The following PRKN variants were observed in gnomAD, a reference collection of about 807,000 sequenced individuals.
PRKN encodes parkin RBR E3 ubiquitin protein ligase, also known as E3 ubiquitin-protein ligase parkin.
PRKN carries 56 observed loss-of-function variants against 59.5 expected under a neutral mutation model. The ratio of observed to expected loss-of-function variants is 0.94; its 90% CI spans 0.76 to 1.18. The LOEUF is 1.18. Among genes scored for constraint, PRKN ranks in the 50% most tolerant of loss-of-function variants. The probability of loss-of-function intolerance (pLI) is 0.00; values close to 1 mark genes in which losing one functional copy is unlikely to be tolerated. For synonymous variants in PRKN, 250 were observed against 222.1 expected, an observed-to-expected ratio of 1.13 and a Z score of -1.12; for missense variants, 657 against 596.4, an observed-to-expected ratio of 1.10 and a Z score of -1.06.
intron 7 of PRKN, among the ~76,000 whole-genome samples, chr6:161,771,221 T>C (rs1367667897): frequency 6.6e-6 from 1 of 151,846 alleles, no homozygotes; most frequent in Non-Finnish European, 1.5e-5. Flanking sequence ...CCTGGCATCA[T>C]GGCGGGCACC....
At chr6:162,291,521 C>A (rs1333368243) in intron 2 of PRKN, among the ~76,000 whole-genome samples, 1 of 152,088 alleles carries the variant, frequency 6.6e-6, no homozygotes, top group Non-Finnish European at 1.5e-5. Context: ...CAGCACTTCA[C>A]GGGAGGGTGT....
chr6:161,570,384 G>A (rs1780843489), intron 7 of PRKN, among the ~76,000 whole-genome samples: 1 of 147,344 alleles, frequency 6.8e-6, no homozygotes, highest in Non-Finnish European at 1.5e-5. Context: ...AATATTCTAT[G>A]TAAAATAAAA....
At chr6:162,154,524 G>A (rs1203952876) in intron 4 of PRKN, among the ~76,000 whole-genome samples, 3 of 143,170 alleles carry the variant, frequency 2.1e-5, no homozygotes, top group Admixed American at 7.0e-5. Context: ...TACAAAAGGA[G>A]AAAAAAAAAA....
intron 1 of PRKN, among the ~76,000 whole-genome samples, chr6:162,508,927 G>A (rs1211015542): frequency 6.6e-6 from 1 of 152,134 alleles, no homozygotes; most frequent in Non-Finnish European, 1.5e-5. Flanking sequence ...AAAAGAGGCA[G>A]AGAAGACTTC....
At chr6:162,590,773 A>G (rs1194309667) in intron 1 of PRKN, among the ~76,000 whole-genome samples, 2 of 152,090 alleles carry the variant, frequency 1.3e-5, no homozygotes, top group Non-Finnish European at 2.9e-5. Context: ...ATTGGTGAAA[A>G]AACAAAACAA....
At chr6:162,112,947 G>A (rs577685334) in intron 4 of PRKN, among the ~76,000 whole-genome samples, 2 of 151,958 alleles carry the variant, frequency 1.3e-5, no homozygotes, top group Non-Finnish European at 2.9e-5. Flanking sequence ...ACACCATGAC[G>A]TCCTGCATAT....
chr6:161,633,201 C>T (rs1783381905), intron 7 of PRKN, among the ~76,000 whole-genome samples: 1 of 152,186 alleles, frequency 6.6e-6, no homozygotes. Flanking sequence ...TACACATACA[C>T]TCCCAAAGGA....
rs1409732949 is a variant in PRKN at position 161,552,928 on chromosome 6, C to G, written c.934-3925G>C. 7.2e-5 allele frequency among the ~76,000 whole-genome samples: 11 copies of G among 151,846 alleles called. No individual in the cohort carries two copies. The highest frequency in any genetic ancestry group is 1.2e-4 in the Non-Finnish European group (8 of 67,968). ...GCCTCAGCCTCCCGAGTAGCTGGGA[C>G]TACAGGTGTGTACCACCACACCCAG... On this transcript the variant is annotated intron_variant, in intron 8 of 11. Coordinates refer to ENST00000366898, the MANE Select transcript of PRKN (RefSeq NM_004562.3). This position sits in a 1 kb window ranked among gnomAD's most constrained non-coding sequence, Gnocchi z 4.9.
chr6:161,534,166 G>A (rs995167926), intron 9 of PRKN, among the ~76,000 whole-genome samples: 2 of 152,010 alleles, frequency 1.3e-5, no homozygotes, highest in Non-Finnish European at 2.9e-5. Context: ...ATGAGCCCAC[G>A]ACTCCTCTCC....
At position 161,548,040 on chromosome 6, in the gene PRKN, C is replaced by T. The variant is rs1291973834; in HGVS notation, c.1083+814G>A. 6.6e-6 allele frequency among the ~76,000 whole-genome samples: 1 copy of T among 152,192 alleles called. No individual in the cohort carries two copies. Among genetic ancestry groups the T allele is most frequent in the African/African-American group, 2.4e-5 (1 of 41,464 alleles). On this transcript the variant is annotated intron_variant, in intron 9 of 11. Transcript: ENST00000366898. This position sits in a 1 kb window ranked among gnomAD's most constrained non-coding sequence, Gnocchi z 4.2. The stretch of plus-strand genomic sequence containing the variant: ...TACAACTCTGCTATCTGTGCTCCTT[C>T]TTGCACAAAACTCCTCATGAAGTTG...
chr6:161,594,096 G>C (rs1241834817), intron 7 of PRKN, among the ~76,000 whole-genome samples: 1 of 152,154 alleles, frequency 6.6e-6, no homozygotes, highest in Non-Finnish European at 1.5e-5. Flanking sequence ...CCTGGAGGCA[G>C]AGGTTGCAGT....
intron 4 of PRKN, among the ~76,000 whole-genome samples, chr6:162,068,433 C>G (rs1778430209): frequency 6.6e-6 from 1 of 152,204 alleles, no homozygotes; most frequent in Non-Finnish European, 1.5e-5. Context: ...GACTTCTGCT[C>G]AGAGTCCCAT....
chr6:162,002,198 G>A (rs1023853294), intron 5 of PRKN, among the ~76,000 whole-genome samples: 1 of 152,034 alleles, frequency 6.6e-6, no homozygotes, highest in African/African-American at 2.4e-5. Context: ...AATTTCTGCA[G>A]TTTCATCCTT....
chr6:162,200,210 C>T (rs1002821073), intron 4 of PRKN, among the ~76,000 whole-genome samples: 1 of 152,182 alleles, frequency 6.6e-6, no homozygotes, highest in Middle Eastern at 3.2e-3. Context: ...GTTCTCTCCA[C>T]CGCGGGGACT....
chr6:161,784,835 G>C (rs962613469), intron 7 of PRKN, among the ~76,000 whole-genome samples: 1 of 152,140 alleles, frequency 6.6e-6, no homozygotes, highest in Admixed American at 6.5e-5. Context: ...ATTCATAATA[G>C]CCAAAAAGAC....
At chr6:161,954,536 A>G (rs1275477166) in intron 6 of PRKN, among the ~76,000 whole-genome samples, 1 of 152,216 alleles carries the variant, frequency 6.6e-6, no homozygotes, top group Non-Finnish European at 1.5e-5. Context: ...CTGAAATCAT[A>G]TTGACACATA....
At chr6:162,275,256 A>C (rs1583301495) in intron 2 of PRKN, 4 of 141,664 alleles carry the variant, frequency 2.8e-5, no homozygotes, top group African/African-American at 9.4e-5. Context: ...TCTTTATGGA[A>C]GATACGCTAA....
chr6:162,033,166 C>A (rs1783705177), intron 5 of PRKN, among the ~76,000 whole-genome samples: 1 of 152,166 alleles, frequency 6.6e-6, no homozygotes, highest in Admixed American at 6.5e-5. Context: ...GACCATGGAT[C>A]ATATTCGAGT....
chr6:161,607,700 A>G (rs1782333195), intron 7 of PRKN, among the ~76,000 whole-genome samples: 1 of 152,232 alleles, frequency 6.6e-6, no homozygotes, highest in African/African-American at 2.4e-5. Context: ...TCCAAGATGT[A>G]GGAATCCCAG....
Sources: allele counts gnomAD v4.1 joint callset (sites outside exome capture counted in the v4.1 genomes callset), GRCh38; gene constraint gnomAD v4.1.1; non-coding constraint Gnocchi (gnomAD v3.1); transcripts MANE v1.5; gene names NCBI Gene and HGNC (gene_info 2026-07-23, HGNC 2026-07-21).